The following CMIP variants were observed in gnomAD, a reference collection of about 807,000 sequenced individuals.
The protein encoded by CMIP is c-Maf inducing protein, also known as C-Maf-inducing protein.
Under a neutral mutation model 97.3 loss-of-function variants are expected in CMIP, and 13 were observed. That is an observed-to-expected ratio of 0.13 (90% CI 0.09 to 0.21). CMIP has a LOEUF of 0.21. Among genes scored for constraint, CMIP ranks in the 10% least tolerant of loss-of-function variants. The probability of loss-of-function intolerance (pLI) is 1.00; values close to 1 mark genes in which losing one functional copy is unlikely to be tolerated. For missense variants in CMIP, 847 were observed against 1,024.9 expected (o/e 0.83, Z 2.37); for synonymous variants, 538 against 436.3 (o/e 1.23, Z -2.91).
intron 1 of CMIP, among the ~76,000 whole-genome samples, chr16:81,549,912 G>A (rs1444833316): frequency 6.6e-6 from 1 of 152,214 alleles, no homozygotes; most frequent in Non-Finnish European, 1.5e-5. Context: ...GCAGTGTGCT[G>A]TGTGTACATG....
At chr16:81,574,093 A>T (rs2091145810) in intron 1 of CMIP, among the ~76,000 whole-genome samples, 1 of 152,222 alleles carries the variant, frequency 6.6e-6, no homozygotes, top group African/African-American at 2.4e-5. Context: ...TGGTCACACT[A>T]GCCACATTGT....
chr16:81,588,708 C>T (rs1201748444), intron 1 of CMIP, among the ~76,000 whole-genome samples: 1 of 152,184 alleles, frequency 6.6e-6, no homozygotes, highest in Non-Finnish European at 1.5e-5. Context: ...CTGTCTGTCT[C>T]CCCCAGCATG....
chr16:81,609,523 G>A (rs1188961266), intron 2 of CMIP, among the ~76,000 whole-genome samples: 1 of 152,250 alleles, frequency 6.6e-6, no homozygotes, highest in Non-Finnish European at 1.5e-5. Context: ...CCCCATGCGT[G>A]AAGAGCCCCT....
intron 3 of CMIP, among the ~76,000 whole-genome samples, chr16:81,632,946 CGAAG>C (rs2092183949): frequency 6.6e-6 from 1 of 151,904 alleles, no homozygotes; most frequent in Non-Finnish European, 1.5e-5. Flanking sequence ...TCCCAAACTG[CGAAG>C]GAAGAAGTGG....
intron 1 of CMIP, among the ~76,000 whole-genome samples, chr16:81,499,787 T>C (rs1246491730): frequency 6.6e-6 from 1 of 152,248 alleles, no homozygotes; most frequent in African/African-American, 2.4e-5. Flanking sequence ...TGAAACAGTT[T>C]TGGGGGCGGC....
At chr16:81,495,061 C>T (rs1026401937) in intron 1 of CMIP, among the ~76,000 whole-genome samples, 8 of 152,188 alleles carry the variant, frequency 5.3e-5, no homozygotes, top group Non-Finnish European at 4.4e-5. Context: ...AGGCTTTGGG[C>T]ACATTAGGTG....
intron 1 of CMIP, among the ~76,000 whole-genome samples, chr16:81,553,819 A>G (rs987886036): frequency 1.3e-5 from 2 of 152,264 alleles, no homozygotes; most frequent in African/African-American, 4.8e-5. Context: ...TCTAATTAGC[A>G]AAGATAGACA....
chr16:81,484,950 CCT>C (rs2089293058), intron 1 of CMIP, among the ~76,000 whole-genome samples: 3 of 151,438 alleles, frequency 2.0e-5, no homozygotes, highest in African/African-American at 4.9e-5. Flanking sequence ...CCCCTGAAAA[CCT>C]CTTTTTTTTT....
At chr16:81,668,854 T>C (rs1425380987) in intron 7 of CMIP, among the ~76,000 whole-genome samples, 6 of 131,810 alleles carry the variant, frequency 4.6e-5, no homozygotes, top group South Asian at 5.1e-4. Context: ...TCACACTCAC[T>C]GCCTTCCACA....
intron 1 of CMIP, among the ~76,000 whole-genome samples, chr16:81,595,204 A>C (rs1448472735): frequency 2.6e-5 from 4 of 151,832 alleles, no homozygotes; most frequent in African/African-American, 4.8e-5. Context: ...TCATCCCCCA[A>C]AATGAAACCC....
chr16:81,530,928 TCTC>T lies in CMIP; in HGVS notation c.301-76636_301-76634del, dbSNP rs2090222225. On this transcript the variant is annotated intron_variant, in intron 1 of 20. Coordinates refer to ENST00000537098, the MANE Select transcript of CMIP (RefSeq NM_198390.3). ...CCTGAGTACTCAGCCCACCCGCCCT[TCTC>T]CTGCTGAACTGTCGAACGTAGCCAC... is the stretch of plus-strand genomic sequence containing the variant. 2.0e-5 allele frequency among the ~76,000 whole-genome samples: 3 copies of T among 152,280 alleles called. No homozygotes were observed. In the South Asian group the frequency reaches 6.2e-4, roughly 32 times the overall value.
chr16:81,625,704 C>T (rs3924152), intron 3 of CMIP, among the ~76,000 whole-genome samples: 7,922 of 152,306 alleles, frequency 0.052, 256 homozygotes, highest in Non-Finnish European at 0.069. Context: ...CAGGTCCAGG[C>T]TACTGGGCTG....
chr16:81,466,250 G>A (rs1907199474), intron 1 of CMIP, among the ~76,000 whole-genome samples: 1 of 152,080 alleles, frequency 6.6e-6, no homozygotes, highest in African/African-American at 2.4e-5. Context: ...TTGTAGAGAT[G>A]GGGTTTTGCC....
intron 8 of CMIP, among the ~76,000 whole-genome samples, chr16:81,670,628 G>C (rs950368815): frequency 1.3e-5 from 2 of 148,574 alleles, no homozygotes; most frequent in African/African-American, 2.5e-5. Flanking sequence ...TTTGGGGGGG[G>C]GGGGGGTGGT....
Position 81,652,248 on chromosome 16 carries a change from T to A in CMIP, c.523T>A (p.Trp175Arg). The part of the protein sequence containing the change: ...YKKVLSNPSR[W>R]EVVLKEIRTL... The stretch of plus-strand genomic sequence containing the variant: ...GAAAGTGCTGAGTAACCCAAGCCGC[T>A]GGGAAGTTGTCTTGAAAGAGATCCG... The change falls in exon 4 of 21, where the codon TGG becomes AGG. Residue 175 changes from tryptophan to arginine, a missense_variant. By Grantham distance (101) the Trp-to-Arg change is moderately radical. This residue lies in a region of CMIP where 285 missense variants were observed against 392.2 expected (regional missense o/e 0.73). Coordinates refer to ENST00000537098, the MANE Select transcript of CMIP (RefSeq NM_198390.3). The surrounding 1 kb of genome is among the most constrained non-coding windows in gnomAD (Gnocchi z 5.2). 1 of 1,613,808 alleles carries A rather than the reference T, an allele frequency of 6.2e-7. No individual in the cohort carries two copies. The highest frequency in any genetic ancestry group is 1.1e-5 in the South Asian group (1 of 91,072).
chr16:81,555,910 G>A (rs1336731617), intron 1 of CMIP, among the ~76,000 whole-genome samples: 2 of 152,152 alleles, frequency 1.3e-5, no homozygotes, highest in African/African-American at 4.8e-5. Flanking sequence ...CCCACCCCTG[G>A]GAGAGCTGTG....
intron 1 of CMIP, among the ~76,000 whole-genome samples, chr16:81,558,302 C>A (rs1055249523): frequency 3.3e-5 from 5 of 152,182 alleles, no homozygotes; most frequent in African/African-American, 1.2e-4. Flanking sequence ...CTGCTTCCGC[C>A]TCTCGGCCGT....
chr16:81,673,822 A>G (rs1248808717), intron 9 of CMIP, among the ~76,000 whole-genome samples: 1 of 152,230 alleles, frequency 6.6e-6, no homozygotes, highest in Non-Finnish European at 1.5e-5. Context: ...TCTCTGCTGC[A>G]GCCACCCAGT....
At chr16:81,596,881 A>G (rs1045466527) in intron 1 of CMIP, among the ~76,000 whole-genome samples, 1 of 152,220 alleles carries the variant, frequency 6.6e-6, no homozygotes, top group African/African-American at 2.4e-5. Context: ...TGAAGTTTGT[A>G]TGGGTGGAAG....
Sources: allele counts gnomAD v4.1 joint callset (sites outside exome capture counted in the v4.1 genomes callset), GRCh38; gene constraint gnomAD v4.1.1; regional missense constraint gnomAD v4.1.1; non-coding constraint Gnocchi (gnomAD v3.1); transcripts MANE v1.5; gene names NCBI Gene and HGNC (gene_info 2026-07-23, HGNC 2026-07-21).